Variants in DPP6 observed in about 807,000 individuals in gnomAD.
The protein encoded by DPP6 is dipeptidyl peptidase like 6.
A neutral mutation model predicts 122.6 loss-of-function variants in DPP6; 69 were observed. That is an observed-to-expected ratio of 0.56 (90% CI 0.46 to 0.69). The LOEUF is 0.69. DPP6 is among the 30% of genes least tolerant of loss of function. The pLI is 0.00. For synonymous variants in DPP6, 418 were observed against 433.1 expected (o/e 0.97, Z 0.43); for missense variants, 928 against 1,116.9 (o/e 0.83, Z 2.41).
intron 1 of DPP6, among the ~76,000 whole-genome samples, chr7:153,975,334 C>T (rs190784452): frequency 2.5e-4 from 37 of 147,518 alleles, no homozygotes; most frequent in African/African-American, 7.8e-4. Flanking sequence ...AAACAGGACC[C>T]CCCACCCACC....
intron 1 of DPP6, among the ~76,000 whole-genome samples, chr7:154,215,780 A>C (rs1038250974): frequency 1.4e-4 from 22 of 152,078 alleles, no homozygotes; most frequent in African/African-American, 5.1e-4. Flanking sequence ...GAAAAGAAAC[A>C]CTGGCCTAGA....
chr7:154,302,610 C>G (rs960621612), intron 1 of DPP6, among the ~76,000 whole-genome samples: 1 of 152,232 alleles, frequency 6.6e-6, no homozygotes, highest in Admixed American at 6.5e-5. Flanking sequence ...AATCTGATCC[C>G]AGCAGGACAT....
intron 1 of DPP6, among the ~76,000 whole-genome samples, chr7:154,137,333 G>T (rs1190544683): frequency 6.6e-6 from 1 of 151,776 alleles, no homozygotes; most frequent in East Asian, 1.9e-4. Context: ...TTTCTCCACT[G>T]CCTGTACATG....
chr7:153,873,371 A>T, the DPP6 span, among the ~76,000 whole-genome samples: 1 of 152,252 alleles, frequency 6.6e-6, no homozygotes, highest in Non-Finnish European at 1.5e-5. Flanking sequence ...TGTCTCTGGC[A>T]TTTAAACAAT....
At chr7:154,436,185 G>A (rs746743793) in intron 1 of DPP6, among the ~76,000 whole-genome samples, 5 of 150,998 alleles carry the variant, frequency 3.3e-5, no homozygotes, top group African/African-American at 4.9e-5. Context: ...CACGGTCCAC[G>A]AGGCTGGGCC....
At chr7:154,226,572 T>A (rs962811955) in intron 1 of DPP6, among the ~76,000 whole-genome samples, 1 of 152,186 alleles carries the variant, frequency 6.6e-6, no homozygotes, top group Non-Finnish European at 1.5e-5. Context: ...AGTATTGCAA[T>A]CCATGTAGTA....
At chr7:154,805,413 G>A (rs546144794) in intron 15 of DPP6, among the ~76,000 whole-genome samples, 2 of 152,300 alleles carry the variant, frequency 1.3e-5, no homozygotes, top group East Asian at 3.9e-4. Context: ...GGGGAACTCT[G>A]CCCTGAGGAA....
At position 154,528,779 on chromosome 7, in the gene DPP6, A is replaced by T. The variant is rs1315667989; in HGVS notation, c.458-11753A>T. Among the ~76,000 whole-genome samples the T allele has an allele frequency of 5.3e-5, 8 of 152,368 alleles. No individual in the cohort carries two copies. In the South Asian group the frequency reaches 1.7e-3, roughly 32 times the overall value. On this transcript the variant is annotated intron_variant, in intron 3 of 25. Transcript: ENST00000377770. ...GAGATTAATTCTGCCTGGAAAAGGC[A>T]TGAAAACTGTACAAGGGAGTTGGCC...
intron 5 of DPP6, among the ~76,000 whole-genome samples, chr7:154,603,833 AC>A (rs1290226598): frequency 8.4e-6 from 1 of 118,762 alleles, no homozygotes; most frequent in Non-Finnish European, 1.9e-5. Flanking sequence ...AAAATGCCCA[AC>A]TAATCTATGA....
At chr7:154,469,801 A>G (rs1822105387) in intron 2 of DPP6, among the ~76,000 whole-genome samples, 1 of 152,252 alleles carries the variant, frequency 6.6e-6, no homozygotes, top group Non-Finnish European at 1.5e-5. Context: ...TGCCTGACTC[A>G]GGGCACTCAA....
intron 1 of DPP6, among the ~76,000 whole-genome samples, chr7:154,220,620 C>T (rs1800249591): frequency 6.6e-6 from 1 of 152,168 alleles, no homozygotes; most frequent in African/African-American, 2.4e-5. Context: ...GAAAGCAGCC[C>T]TCACCAGATG....
At chr7:154,788,376 G>A (rs1797464508) in intron 10 of DPP6, among the ~76,000 whole-genome samples, 1 of 151,928 alleles carries the variant, frequency 6.6e-6, no homozygotes, top group Admixed American at 6.6e-5. Context: ...CCCAGGAAGT[G>A]GAGGTTGCAG....
the DPP6 span, among the ~76,000 whole-genome samples, chr7:153,807,007 C>G: frequency 2.6e-5 from 4 of 151,932 alleles, no homozygotes; most frequent in Admixed American, 6.6e-5. Flanking sequence ...TACTAAAATT[C>G]TTTATCGAAT....
chr7:154,123,137 G>C (rs1807620711), intron 1 of DPP6, among the ~76,000 whole-genome samples: 2 of 152,168 alleles, frequency 1.3e-5, no homozygotes, highest in Non-Finnish European at 1.5e-5. Flanking sequence ...CCATAATAAA[G>C]AATATGAACT....
At chr7:154,517,392 C>G (rs1826608536) in intron 3 of DPP6, among the ~76,000 whole-genome samples, 1 of 151,976 alleles carries the variant, frequency 6.6e-6, no homozygotes, top group African/African-American at 2.4e-5. Flanking sequence ...AGTTGAGCAC[C>G]CAGCACGGTG....
At chr7:154,881,359 G>A (rs1477470611) in intron 21 of DPP6, among the ~76,000 whole-genome samples, 5 of 152,314 alleles carry the variant, frequency 3.3e-5, no homozygotes, top group Middle Eastern at 3.4e-3. Context: ...GGAGGGTCGC[G>A]CAGTGAACTC....
At chr7:154,412,620 G>A (rs983416121) in intron 1 of DPP6, among the ~76,000 whole-genome samples, 1 of 152,080 alleles carries the variant, frequency 6.6e-6, no homozygotes, top group Non-Finnish European at 1.5e-5. Flanking sequence ...GGTTATCTCT[G>A]GAAATGGAAA....
chr7:154,550,322 C>CA (rs1250341583), intron 4 of DPP6, among the ~76,000 whole-genome samples: 1 of 151,886 alleles, frequency 6.6e-6, no homozygotes, highest in African/African-American at 2.4e-5. Context: ...AGCTTTTTTT[C>CA]ATTTAACCAA....
intron 10 of DPP6, among the ~76,000 whole-genome samples, chr7:154,789,115 G>A (rs925451563): frequency 1.3e-5 from 2 of 152,198 alleles, no homozygotes; most frequent in African/African-American, 4.8e-5. Context: ...CAGACAAAGG[G>A]TGAGAGTCAC....
Sources: allele counts gnomAD v4.1 joint callset (sites outside exome capture counted in the v4.1 genomes callset), GRCh38; gene constraint gnomAD v4.1.1; transcripts MANE v1.5; gene names NCBI Gene and HGNC (gene_info 2026-07-23, HGNC 2026-07-21).